Variants in CFAP299 observed in about 807,000 individuals in gnomAD.
The protein encoded by CFAP299 is cilia- and flagella-associated protein 299.
A neutral mutation model predicts 27.0 loss-of-function variants in CFAP299; 21 were observed. That is an observed-to-expected ratio of 0.78 (90% CI 0.55 to 1.12). The LOEUF (loss-of-function observed/expected upper bound fraction) is 1.12, where lower values mean the gene tolerates loss of function less well. CFAP299 is among the 50% of genes most tolerant of loss of function. CFAP299 has a pLI of 0.00. For missense variants in CFAP299, 310 were observed against 276.6 expected (o/e 1.12, Z -0.86); for synonymous variants, 104 against 98.1 (o/e 1.06, Z -0.36).
At chr4:80,695,990 C>T (rs1008194804) in intron 3 of CFAP299, among the ~76,000 whole-genome samples, 1 of 152,000 alleles carries the variant, frequency 6.6e-6, no homozygotes, top group Non-Finnish European at 1.5e-5. Context: ...TAAAGCCTGT[C>T]ATATATAGAA....
intron 2 of CFAP299, among the ~76,000 whole-genome samples, chr4:80,410,048 G>T (rs1211018468): frequency 6.6e-6 from 1 of 152,182 alleles, no homozygotes; most frequent in East Asian, 1.9e-4. Flanking sequence ...GGGATCAGAA[G>T]TGTTTAACTT....
Position 80,702,890 on chromosome 4 carries a change from A to T in CFAP299, c.333+119707A>T, listed in dbSNP as rs1000884082. Reference sequence around the variant, plus strand: ...TACTTGGAAAAGATGACATAGTGAAAGAAAAAATGCTTAACTTTCTGGAAA... The same window carrying T: ...TACTTGGAAAAGATGACATAGTGAATGAAAAAATGCTTAACTTTCTGGAAA... On this transcript the variant is annotated intron_variant, in intron 3 of 5. Transcript: ENST00000358105. 2.0e-5 allele frequency among the ~76,000 whole-genome samples: 3 copies of T among 151,776 alleles called. No individual in the cohort carries two copies. In the East Asian group the frequency reaches 5.8e-4, roughly 29 times the overall value.
chr4:80,653,890 T>C (rs1740428577), intron 3 of CFAP299, among the ~76,000 whole-genome samples: 2 of 152,146 alleles, frequency 1.3e-5, no homozygotes, highest in Admixed American at 1.3e-4. Context: ...GAGTGTTTTA[T>C]ACAATGATTT....
intron 3 of CFAP299, among the ~76,000 whole-genome samples, chr4:80,799,819 ATTATATATAT>A (rs1389321542): frequency 2.8e-5 from 1 of 35,578 alleles, no homozygotes; most frequent in Non-Finnish European, 4.4e-5. Flanking sequence ...AAATATATAT[ATTATATATAT>A]TTATATATTA....
intron 5 of CFAP299, among the ~76,000 whole-genome samples, chr4:80,959,131 A>C (rs62302255): frequency 0.12 from 18,100 of 152,178 alleles, 1,214 homozygotes; most frequent in Non-Finnish European, 0.16. Context: ...ACAATTAGAC[A>C]AACATCTCTA....
At chr4:80,363,639 G>T (rs1220300715) in intron 2 of CFAP299, among the ~76,000 whole-genome samples, 1 of 152,152 alleles carries the variant, frequency 6.6e-6, no homozygotes, top group African/African-American at 2.4e-5. Flanking sequence ...AGTGGAATGT[G>T]CTTTGGTCTT....
intron 2 of CFAP299, among the ~76,000 whole-genome samples, chr4:80,404,504 C>T (rs1726318335): frequency 6.6e-6 from 1 of 152,198 alleles, no homozygotes; most frequent in Non-Finnish European, 1.5e-5. Flanking sequence ...AATCTGACTA[C>T]TCGAGGTACC....
intron 5 of CFAP299, among the ~76,000 whole-genome samples, chr4:80,952,438 A>G (rs1001129946): frequency 6.6e-6 from 1 of 152,176 alleles, no homozygotes; most frequent in African/African-American, 2.4e-5. Flanking sequence ...TAAATGAATT[A>G]TCACTCAGGG....
chr4:80,949,502 C>T (rs10434087), intron 5 of CFAP299, among the ~76,000 whole-genome samples: 140,396 of 150,836 alleles, frequency 0.93, 66,211 homozygotes, highest in East Asian at 1. Context: ...GAACTAGATG[C>T]TCCCTAAAAC....
Position 80,963,563 on chromosome 4 carries a change from T to G in CFAP299, c.653T>G (p.Leu218Arg). 6.2e-7 allele frequency: 1 copy of G among 1,609,450 alleles called. No homozygotes were observed. Among genetic ancestry groups the G allele is most frequent in the Non-Finnish European group, 8.5e-7 (1 of 1,177,378 alleles). The change falls in exon 6 of 6, where the codon CTC becomes CGC. Residue 218 changes from leucine to arginine, a missense_variant. Leu to Arg is a moderately radical substitution (Grantham distance 102, BLOSUM62 -2). Transcript: ENST00000358105. ...ACTAGAATCACTATCCTGACAGAAC[T>G]CTACGTACAAGCTGTCATTTTTGAC... is the stretch of plus-strand genomic sequence containing the variant. ...NSTRITILTE[L>R]YVQAVIFDHI...
In CFAP299 at chr4:80,756,612, A is replaced by G. The variant is rs79169238; in HGVS notation, c.334-113381A>G. Among the ~76,000 whole-genome samples, 1,041 of 152,320 alleles carry G rather than the reference A, an allele frequency of 6.8e-3. 35 individuals carry two copies. In the East Asian group the frequency reaches 0.1, roughly 15 times the overall value. On this transcript the variant is annotated intron_variant, in intron 3 of 5. Coordinates refer to ENST00000358105, the MANE Select transcript of CFAP299 (RefSeq NM_152770.3). ...AATATTTTATGACACATACAAAATG[A>G]CATTTAAATTTCAATGTCCATACAT... is the stretch of plus-strand genomic sequence containing the variant.
chr4:80,548,694 G>A (rs1734359371), intron 2 of CFAP299, among the ~76,000 whole-genome samples: 1 of 152,086 alleles, frequency 6.6e-6, no homozygotes, highest in Non-Finnish European at 1.5e-5. Context: ...GTATGTGTTT[G>A]CATGTGTTAG....
chr4:80,414,074 T>C (rs112700222), intron 2 of CFAP299, among the ~76,000 whole-genome samples: 5 of 50,960 alleles, frequency 9.8e-5, no homozygotes, highest in Admixed American at 2.5e-4. Flanking sequence ...CTTTTTTTTT[T>C]TTTTTTTTTT....
chr4:80,585,280 A>G (rs1008560006), intron 3 of CFAP299, among the ~76,000 whole-genome samples: 13 of 152,134 alleles, frequency 8.5e-5, no homozygotes, highest in African/African-American at 3.1e-4. Context: ...GAAGTAGGGC[A>G]CAGAGATCAT....
intron 3 of CFAP299, among the ~76,000 whole-genome samples, chr4:80,826,562 A>G (rs1263204847): frequency 1.3e-5 from 2 of 151,840 alleles, no homozygotes; most frequent in Non-Finnish European, 3.0e-5. Flanking sequence ...TCAAAAATGT[A>G]TGAAGCAAAA....
chr4:80,510,076 G>C (rs1732222314), intron 2 of CFAP299, among the ~76,000 whole-genome samples: 1 of 152,042 alleles, frequency 6.6e-6, no homozygotes, highest in South Asian at 2.1e-4. Flanking sequence ...TTTGAACATG[G>C]CACCTGACAT....
intron 5 of CFAP299, among the ~76,000 whole-genome samples, chr4:80,952,544 T>C (rs1737837657): frequency 6.6e-6 from 1 of 152,190 alleles, no homozygotes. Flanking sequence ...ATTACTTTAT[T>C]ATTTTTAAAA....
chr4:80,673,109 C>T (rs1259353959), intron 3 of CFAP299, among the ~76,000 whole-genome samples: 4 of 151,960 alleles, frequency 2.6e-5, no homozygotes, highest in Admixed American at 1.3e-4. Flanking sequence ...ATTAGGGTGT[C>T]GATTTTAGAT....
intron 4 of CFAP299, among the ~76,000 whole-genome samples, chr4:80,881,519 C>T (rs960168): frequency 0.19 from 28,909 of 152,016 alleles, 5,168 homozygotes; most frequent in African/African-American, 0.46. Context: ...AGAAAGTTTC[C>T]AGTAAGTTTC....
Sources: allele counts gnomAD v4.1 joint callset (sites outside exome capture counted in the v4.1 genomes callset), GRCh38; gene constraint gnomAD v4.1.1; transcripts MANE v1.5; gene names NCBI Gene and HGNC (gene_info 2026-07-23, HGNC 2026-07-21).